Variants in PNLDC1 observed in about 807,000 individuals in gnomAD.
PNLDC1 encodes poly(A)-specific ribonuclease PNLDC1.
PNLDC1 carries 70 observed loss-of-function variants against 82.0 expected under a neutral mutation model. The ratio of observed to expected loss-of-function variants is 0.85; its 90% CI spans 0.70 to 1.04. The LOEUF (loss-of-function observed/expected upper bound fraction) is 1.04, where lower values mean the gene tolerates loss of function less well. Among genes scored for constraint, PNLDC1 ranks in the 50% least tolerant of loss-of-function variants. The pLI is 0.00. For synonymous variants in PNLDC1, 280 were observed against 249.3 expected (o/e 1.12, Z -1.16); for missense variants, 631 against 661.1 (o/e 0.95, Z 0.50).
intron 12 of PNLDC1, among the ~76,000 whole-genome samples, chr6:159,815,310 A>G (rs1660156845): frequency 6.6e-6 from 1 of 152,156 alleles, no homozygotes; most frequent in Admixed American, 6.5e-5. Flanking sequence ...TTGAGTGATG[A>G]TCTAGAATGT....
intron 14 of PNLDC1, among the ~76,000 whole-genome samples, chr6:159,816,904 A>G (rs895545771): frequency 3.3e-5 from 5 of 152,162 alleles, no homozygotes; most frequent in African/African-American, 7.2e-5. Context: ...GGTTCAAGCA[A>G]TCCACCCGCC....
rs534898784 is a variant in PNLDC1, at chr6:159,801,817, CT to C, written c.208+642del. Among the ~76,000 whole-genome samples, 1,110 of 148,380 alleles carry C rather than the reference CT, an allele frequency of 7.5e-3. 14 individuals are homozygous for C. The highest frequency in any genetic ancestry group is 0.025 in the African/African-American group (998 of 40,514). On this transcript the variant is annotated intron_variant, in intron 3 of 18. Transcript: ENST00000392167. ...TTTAAGGTCATCTCAGTTTCAGAAA[CT>C]TTTTTTTTTTCCTTGATGGGATTTG... is the stretch of plus-strand genomic sequence containing the variant.
chr6:159,818,463 CCTT>C (rs1423835726), intron 15 of PNLDC1, 89 bp from the exon 16 acceptor site: 35 of 1,153,616 alleles, frequency 3.0e-5, no homozygotes, highest in Non-Finnish European at 3.9e-5. Context: ...GAGGGAGTGT[CCTT>C]CTGTTCTGTC....
In PNLDC1 at chr6:159,810,954, AAGG is replaced by A. The variant is rs1391041612; in HGVS notation, c.854-744_854-742del. Among the ~76,000 whole-genome samples the A allele has an allele frequency of 2.6e-5, 4 of 152,196 alleles. No individual in the cohort carries two copies. The East Asian group carries it at 7.7e-4, about 29-fold the overall frequency. ...CTGGGAGAACAAAAGCTGTGCAAGA[AAGG>A]AGAAGTCATTGTAGCCACCACAGAG... On this transcript the variant is annotated intron_variant, in intron 10 of 18. Transcript: ENST00000392167.
chr6:159,816,462 C>T (rs1781833466), intron 13 of PNLDC1, 81 bp from the exon 14 acceptor site: 2 of 1,296,932 alleles, frequency 1.5e-6, no homozygotes, highest in South Asian at 1.2e-5. Flanking sequence ...TGAGCTGCAG[C>T]CACTGTGGAT....
In PNLDC1 at chr6:159,819,186, A is replaced by G. The variant is rs1583186672; in HGVS notation, c.1433+65A>G. ...TTCATCCCTGTATCTCTCTGACTCC[A>G]CCCGCCTGATCACAGCAGGCGGCGC... On this transcript the variant is annotated intron_variant, in intron 17 of 18. Coordinates refer to ENST00000392167, the MANE Select transcript of PNLDC1 (RefSeq NM_001271862.2). The surrounding 1 kb of genome is among the most constrained non-coding windows in gnomAD (Gnocchi z 4.6). 1 of 1,608,176 alleles carries G rather than the reference A, an allele frequency of 6.2e-7. No individual in the cohort carries two copies. Among genetic ancestry groups the G allele is most frequent in the African/African-American group, 1.3e-5 (1 of 74,668 alleles).
In PNLDC1 at chr6:159,811,681, A is replaced by G; in HGVS notation, c.854-20A>G. On this transcript the variant is annotated intron_variant, in intron 10 of 18. Transcript: ENST00000392167. ...CCAACAAACAAATTCACTCTTGACT[A>G]CCTGGGTTTTTCCCCTCAGAAAGCT... The G allele has an allele frequency of 3.1e-6, 5 of 1,597,442 alleles. No homozygotes were observed. Among genetic ancestry groups the G allele is most frequent in the Non-Finnish European group, 4.3e-6 (5 of 1,165,606 alleles).
chr6:159,806,260 G>A (rs1338321751), intron 7 of PNLDC1, among the ~76,000 whole-genome samples, 177 bp downstream of exon 7: 2 of 152,214 alleles, frequency 1.3e-5, no homozygotes, highest in Admixed American at 1.3e-4. Flanking sequence ...GTTCTGACCT[G>A]CATTCACACG....
At chr6:159,803,071 C>T (rs1178093472) in intron 3 of PNLDC1, among the ~76,000 whole-genome samples, 200 bp from the exon 4 acceptor site, 2 of 152,150 alleles carry the variant, frequency 1.3e-5, no homozygotes, top group African/African-American at 4.8e-5. Flanking sequence ...TAGATTTTAG[C>T]AAATTCAGTG....
rs754695235 is a variant in PNLDC1 at position 159,809,197 on chromosome 6, C to CT, written c.783+42dup. The CT allele has an allele frequency of 2.5e-6, 4 of 1,602,464 alleles. No individual in the cohort carries two copies. The Admixed American group carries it at 7.2e-5, about 29-fold the overall frequency. ...TCTCTTTTCTTGGCCTAAAGGCAGT[C>CT]TTTAGTATTTCTGGTCATAGATACT... On this transcript the variant is annotated intron_variant, in intron 9 of 18. Transcript: ENST00000392167.
intron 18 of PNLDC1, 102 bp from the exon 19 acceptor site, chr6:159,820,352 C>A: frequency 9.1e-7 from 1 of 1,100,806 alleles, no homozygotes; most frequent in South Asian, 1.3e-5. Flanking sequence ...CAAGAAAGAA[C>A]ATCTGAGTGC....
intron 9 of PNLDC1, among the ~76,000 whole-genome samples, chr6:159,809,490 C>T (rs143357655): frequency 6.9e-4 from 101 of 146,268 alleles, no homozygotes; most frequent in Non-Finnish European, 8.2e-4. Context: ...GACGGGATCT[C>T]GCAGTGTTGC....
chr6:159,799,533 G>T (rs930069507), upstream of PNLDC1, among the ~76,000 whole-genome samples: 3 of 152,178 alleles, frequency 2.0e-5, no homozygotes, highest in Non-Finnish European at 4.4e-5. Flanking sequence ...GAGGACCATA[G>T]TTCCAAAACG....
rs1349595654 is a variant in PNLDC1, at chr6:159,810,053, G to A, written c.811G>A (p.Asp271Asn). Reference sequence around the variant, plus strand: ...CTTAGTGGGACATAATATGATGATGGACCTGCTGCACCTCCATGAGAAGTT... The same window carrying A: ...CTTAGTGGGACATAATATGATGATGAACCTGCTGCACCTCCATGAGAAGTT... Reference protein sequence around the residue: ...KPLVGHNMMMDLLHLHEKFFR... With the variant: ...KPLVGHNMMMNLLHLHEKFFR... The change falls in exon 10 of 19, where the codon GAC becomes AAC. Residue 271 changes from aspartate to asparagine, a missense_variant. By Grantham distance (23) the Asp-to-Asn change is conservative. Coordinates refer to ENST00000392167, the MANE Select transcript of PNLDC1 (RefSeq NM_001271862.2). 1 of 1,614,082 alleles carries A rather than the reference G, an allele frequency of 6.2e-7. No individual in the cohort carries two copies. Among genetic ancestry groups the A allele is most frequent in the South Asian group, 1.1e-5 (1 of 91,070 alleles).
intron 12 of PNLDC1, among the ~76,000 whole-genome samples, chr6:159,815,513 G>A (rs528355799): frequency 3.8e-4 from 58 of 152,268 alleles, no homozygotes; most frequent in African/African-American, 1.1e-3. Context: ...AATGCCTGCC[G>A]TCTCCCCATT....
chr6:159,820,663 C>T lies in PNLDC1; in HGVS notation c.*146C>T, dbSNP rs1782010534. The stretch of plus-strand genomic sequence containing the variant: ...TCTGTTATGTCCTGAACGTGAAATT[C>T]TGTCAACACTCTCAATGATAAATCA... On this transcript the variant is annotated 3_prime_UTR_variant, in exon 19 of 19. Transcript: ENST00000392167. 2 of 718,886 alleles carry T rather than the reference C, an allele frequency of 2.8e-6. No homozygotes were observed. The highest frequency in any genetic ancestry group is 3.5e-5 in the African/African-American group (2 of 57,470). 44.5% of individuals were successfully genotyped at this position (718,886 alleles called of 1,614,324 possible).
At chr6:159,817,553 A>G (rs1000503558) in intron 15 of PNLDC1, among the ~76,000 whole-genome samples, 1 of 152,228 alleles carries the variant, frequency 6.6e-6, no homozygotes, top group Non-Finnish European at 1.5e-5. Context: ...TCAATGAATG[A>G]CATATCCTTT....
rs1781220916 is a variant in PNLDC1 at position 159,800,824 on chromosome 6, G to A, written c.129G>A (p.Gln43=). ...GLRSNLSGPQ[Q]ISLFDLPSEW... ...GTTCTAACCTGTCTGGGCCCCAGCA[G>A]ATCAGGTAAAACTAAAGCTGTGTCC... The change falls in exon 2 of 19, where the codon CAG becomes CAA. Residue 43 remains glutamine, a synonymous_variant. Transcript: ENST00000392167. The A allele has an allele frequency of 1.9e-6, 3 of 1,614,054 alleles. No individual in the cohort carries two copies. The highest frequency in any genetic ancestry group is 2.2e-5 in the South Asian group (2 of 91,088).
chr6:159,819,754 T>C lies in PNLDC1; in HGVS notation c.1532+402T>C, dbSNP rs1200993436. Among the ~76,000 whole-genome samples, 1 of 151,530 alleles carries C rather than the reference T, an allele frequency of 6.6e-6. No homozygotes were observed. Among genetic ancestry groups the C allele is most frequent in the Non-Finnish European group, 1.5e-5 (1 of 67,858 alleles). On this transcript the variant is annotated intron_variant, in intron 18 of 18. Coordinates refer to ENST00000392167, the MANE Select transcript of PNLDC1 (RefSeq NM_001271862.2). This position sits in a 1 kb window ranked among gnomAD's most constrained non-coding sequence, Gnocchi z 4.6. ...GGGGGTCTTCATTAGAGACTTGGAG[T>C]GAGCCAGGCGGAGGGGGCAGCAGGA...
Sources: gnomAD v4.1 joint callset for allele counts (sites outside exome capture counted in the v4.1 genomes callset) on GRCh38, gnomAD v4.1.1 for gene constraint, Gnocchi (gnomAD v3.1) non-coding constraint, MANE v1.5 for transcripts, NCBI Gene and HGNC (gene_info 2026-07-23, HGNC 2026-07-21) for gene names.